The following SEPTIN14 variants were observed in gnomAD, a reference collection of about 807,000 sequenced individuals.
The protein encoded by SEPTIN14 is septin-14.
In SEPTIN14, 40 loss-of-function variants were observed where a neutral mutation model predicts 53.6. The ratio of observed to expected loss-of-function variants is 0.75; its 90% confidence interval spans 0.58 to 0.97. The LOEUF (loss-of-function observed/expected upper bound fraction) is 0.97, where lower values mean the gene tolerates loss of function less well. Among genes scored for constraint, SEPTIN14 ranks in the 50% least tolerant of loss-of-function variants. SEPTIN14 has a pLI of 0.00. For missense variants in SEPTIN14, 471 were observed against 508.2 expected (o/e 0.93, Z 0.70); for synonymous variants, 138 against 166.8 (o/e 0.83, Z 1.33).
In SEPTIN14 at chr7:55,833,525, T is replaced by C. The variant is rs184287552; in HGVS notation, c.720+900A>G. On this transcript the variant is annotated intron_variant, in intron 6 of 9. Coordinates refer to ENST00000388975, the MANE Select transcript of SEPTIN14 (RefSeq NM_207366.3). ...GAGTTTGAGACCAGCCTGGCCAACATGGTGAAACCCTGTCTGTACTAAAAA... is the reference window on the plus strand; with the variant it reads ...GAGTTTGAGACCAGCCTGGCCAACACGGTGAAACCCTGTCTGTACTAAAAA... Among the ~76,000 whole-genome samples, 424 of 152,052 alleles carry C rather than the reference T, an allele frequency of 2.8e-3. 5 individuals carry two copies. The highest frequency in any genetic ancestry group is 0.01 in the Middle Eastern group (3 of 292).
chr7:55,795,871 C>A lies in SEPTIN14; in HGVS notation c.*42G>T. On this transcript the variant is annotated 3_prime_UTR_variant, in exon 10 of 10. Transcript: ENST00000388975. The stretch of plus-strand genomic sequence containing the variant: ...ACAAAGACAATCTCACAGGAAGTTG[C>A]GATGTAGAATGATAGGGCTCTCAGA... 1.5e-6 allele frequency: 2 copies of A among 1,348,982 alleles called. No homozygotes were observed. The highest frequency in any genetic ancestry group is 2.3e-5 in the East Asian group (1 of 43,736). 83.6% of individuals were successfully genotyped at this position (1,348,982 alleles called of 1,614,324 possible). A position where few individuals can be genotyped will look rare whatever the true frequency, so the allele number is the denominator to read the frequency against.
intron 1 of SEPTIN14, 22 bp from the exon 2 acceptor site, chr7:55,862,033 C>A: frequency 6.9e-7 from 1 of 1,454,812 alleles, no homozygotes; most frequent in Non-Finnish European, 9.3e-7. Flanking sequence ...AAAAAATAAA[C>A]ATTTTTAAAA....
At chr7:55,847,171 G>T (rs1312972865) in intron 2 of SEPTIN14, among the ~76,000 whole-genome samples, 2 of 151,998 alleles carry the variant, frequency 1.3e-5, no homozygotes, top group Admixed American at 6.6e-5. Flanking sequence ...GCACACCACT[G>T]CACTCCAGCC....
At chr7:55,811,411 T>G (rs1360111683) in intron 7 of SEPTIN14, 1 of 461,198 alleles carries the variant, frequency 2.2e-6, no homozygotes, top group African/African-American at 2.0e-5. Flanking sequence ...CTAGGAGCCA[T>G]GGTGTTGGGT....
chr7:55,807,355 A>G, intron 7 of SEPTIN14, 97 bp from the exon 8 acceptor site: 1 of 736,090 alleles, frequency 1.4e-6, no homozygotes, highest in Admixed American at 3.1e-5. Flanking sequence ...AAACACATTT[A>G]AAATAACACA....
At chr7:55,804,403 C>T (rs775281712) in intron 9 of SEPTIN14, among the ~76,000 whole-genome samples, 2 of 151,600 alleles carry the variant, frequency 1.3e-5, no homozygotes, top group African/African-American at 2.4e-5. Context: ...GAATTATAGG[C>T]ATGCAGCACC....
chr7:55,852,521 A>G (rs1031961995), intron 2 of SEPTIN14, among the ~76,000 whole-genome samples: 22 of 152,278 alleles, frequency 1.4e-4, no homozygotes, highest in African/African-American at 5.3e-4. Flanking sequence ...ATCTCTTATC[A>G]TATATAAAAA....
At chr7:55,829,820 CAAAAAAAAA>C (rs35998043) in intron 6 of SEPTIN14, among the ~76,000 whole-genome samples, 9 of 37,622 alleles carry the variant, frequency 2.4e-4, no homozygotes, top group Admixed American at 1.4e-3. Flanking sequence ...GACTCCATCT[CAAAAAAAAA>C]AAAAAAAAAA....
chr7:55,815,783 G>A (rs1224662685), intron 7 of SEPTIN14, among the ~76,000 whole-genome samples: 2 of 152,148 alleles, frequency 1.3e-5, no homozygotes, highest in African/African-American at 2.4e-5. Flanking sequence ...ATGGAAAACA[G>A]TATGGAGTTT....
chr7:55,830,555 G>C (rs890913923), intron 6 of SEPTIN14, among the ~76,000 whole-genome samples: 13 of 151,138 alleles, frequency 8.6e-5, no homozygotes, highest in African/African-American at 2.9e-4. Context: ...GTGTTGGCCA[G>C]GATAGTCTCG....
At chr7:55,832,893 A>G (rs371998355) in intron 6 of SEPTIN14, among the ~76,000 whole-genome samples, 3 of 152,066 alleles carry the variant, frequency 2.0e-5, no homozygotes, top group East Asian at 3.9e-4. Context: ...CTATTTCAGG[A>G]TAGTTACACT....
intron 9 of SEPTIN14, chr7:55,798,361 T>G (rs1167553714): frequency 3.9e-6 from 1 of 256,824 alleles, no homozygotes; most frequent in African/African-American, 2.3e-5. Flanking sequence ...ACTTTGGGGG[T>G]GGTGGAACCT....
chr7:55,846,481 T>C, intron 3 of SEPTIN14, 36 bp downstream of exon 3: 1 of 1,492,028 alleles, frequency 6.7e-7, no homozygotes, highest in Non-Finnish European at 9.1e-7. Flanking sequence ...TTGGGAAAAA[T>C]GAAGGAATAA....
At chr7:55,855,710 C>G (rs764864896) in intron 2 of SEPTIN14, among the ~76,000 whole-genome samples, 1 of 152,070 alleles carries the variant, frequency 6.6e-6, no homozygotes, top group Admixed American at 6.6e-5. Flanking sequence ...CGTGCCACCA[C>G]GCCCAACTAA....
intron 2 of SEPTIN14, among the ~76,000 whole-genome samples, chr7:55,852,228 C>T (rs769999491): frequency 6.6e-6 from 1 of 151,612 alleles, no homozygotes; most frequent in Non-Finnish European, 1.5e-5. Flanking sequence ...ACAGAATATT[C>T]AAAGCAATGC....
intron 2 of SEPTIN14, among the ~76,000 whole-genome samples, chr7:55,847,071 G>A (rs1789428494): frequency 6.6e-6 from 1 of 152,016 alleles, no homozygotes; most frequent in African/African-American, 2.4e-5. Context: ...ATACAAAATT[G>A]GTGGTGCATG....
At chr7:55,842,659 T>C (rs1466701462) in intron 5 of SEPTIN14, among the ~76,000 whole-genome samples, 1 of 150,238 alleles carries the variant, frequency 6.7e-6, no homozygotes, top group African/African-American at 2.5e-5. Flanking sequence ...ACACCTGTAA[T>C]CCCAGCACTC....
chr7:55,831,841 T>C lies in SEPTIN14; in HGVS notation c.720+2584A>G, dbSNP rs144122682. On this transcript the variant is annotated intron_variant, in intron 6 of 9. Transcript: ENST00000388975. ...AACAGACATTTCTCAAAAGAAGACA[T>C]ACAAGTGGCCACCAAACACATGAAA... Among the ~76,000 whole-genome samples the C allele has an allele frequency of 1.1e-3, 168 of 152,156 alleles. 2 individuals carry two copies. The highest frequency in any genetic ancestry group is 3.9e-3 in the African/African-American group (160 of 41,522).
chr7:55,802,900 G>C (rs1330237162), intron 9 of SEPTIN14, among the ~76,000 whole-genome samples: 1 of 151,198 alleles, frequency 6.6e-6, no homozygotes, highest in Non-Finnish European at 1.5e-5. Context: ...TAATTCAATA[G>C]TATGAAAACC....
Sources: allele counts gnomAD v4.1 joint callset (sites outside exome capture counted in the v4.1 genomes callset), GRCh38; gene constraint gnomAD v4.1.1; transcripts MANE v1.5; gene names NCBI Gene and HGNC (gene_info 2026-07-23, HGNC 2026-07-21).